VEGFC: variants seen among roughly 807,000 people sequenced by gnomAD.
VEGFC encodes the protein vascular endothelial growth factor C.
Under a neutral mutation model 46.1 loss-of-function variants are expected in VEGFC, and 12 were observed. That is an observed-to-expected ratio of 0.26 (90% CI 0.17 to 0.42). VEGFC has a LOEUF of 0.42. VEGFC is among the 10% of genes least tolerant of loss of function. The probability of loss-of-function intolerance (pLI) is 1.00; values close to 1 mark genes in which losing one functional copy is unlikely to be tolerated. For missense variants in VEGFC, 488 were observed against 529.4 expected, an observed-to-expected ratio of 0.92 and a Z score of 0.77; for synonymous variants, 232 against 195.5, an observed-to-expected ratio of 1.19 and a Z score of -1.56.
chr4:176,750,007 T>C (rs1279113258), intron 1 of VEGFC, among the ~76,000 whole-genome samples: 1 of 151,764 alleles, frequency 6.6e-6, no homozygotes, highest in Non-Finnish European at 1.5e-5. Context: ...AAATGCAGTA[T>C]TAAAAAAATA....
At chr4:176,757,396 A>G (rs986382337) in intron 1 of VEGFC, among the ~76,000 whole-genome samples, 3 of 152,106 alleles carry the variant, frequency 2.0e-5, no homozygotes, top group Non-Finnish European at 2.9e-5. Context: ...GAACAACATT[A>G]TCCACCTCTT....
intron 4 of VEGFC, among the ~76,000 whole-genome samples, chr4:176,709,451 T>C (rs1486420121): frequency 6.6e-6 from 1 of 152,198 alleles, no homozygotes; most frequent in Non-Finnish European, 1.5e-5. Context: ...AGGATGAAGT[T>C]AATCCAGTGA....
chr4:176,747,064 T>C (rs753654747), intron 1 of VEGFC, among the ~76,000 whole-genome samples: 1 of 152,152 alleles, frequency 6.6e-6, no homozygotes, highest in Non-Finnish European at 1.5e-5. Flanking sequence ...TTTTGCTTCA[T>C]GTTTCCTATT....
intron 1 of VEGFC, among the ~76,000 whole-genome samples, chr4:176,738,889 G>C (rs1332357316): frequency 6.6e-6 from 1 of 151,758 alleles, no homozygotes; most frequent in Non-Finnish European, 1.5e-5. Context: ...CAAAGAACAT[G>C]AACAGAGACT....
chr4:176,747,014 C>T (rs764031515), intron 1 of VEGFC, among the ~76,000 whole-genome samples: 9 of 152,072 alleles, frequency 5.9e-5, no homozygotes, highest in South Asian at 2.1e-4. Context: ...CTTGACTGTG[C>T]GTCTGCCGCA....
At chr4:176,786,770 G>A (rs1274855002) in intron 1 of VEGFC, among the ~76,000 whole-genome samples, 1 of 152,196 alleles carries the variant, frequency 6.6e-6, no homozygotes, top group Non-Finnish European at 1.5e-5. Flanking sequence ...AGATTAAAGA[G>A]CAAATAAACC....
At chr4:176,767,895 G>A (rs780070453) in intron 1 of VEGFC, among the ~76,000 whole-genome samples, 2 of 152,124 alleles carry the variant, frequency 1.3e-5, no homozygotes, top group African/African-American at 2.4e-5. Context: ...AGTGGAAGAC[G>A]ATGGTGGCTC....
At chr4:176,749,607 C>A (rs754679062) in intron 1 of VEGFC, among the ~76,000 whole-genome samples, 1 of 151,402 alleles carries the variant, frequency 6.6e-6, no homozygotes, top group East Asian at 1.9e-4. Flanking sequence ...GAATTTCTTA[C>A]CTTGAATGTG....
At chr4:176,700,076 C>T (rs777327830) in intron 4 of VEGFC, among the ~76,000 whole-genome samples, 1 of 152,080 alleles carries the variant, frequency 6.6e-6, no homozygotes, top group Admixed American at 6.6e-5. Context: ...AACAATTTTG[C>T]CAGTCTTAAT....
chr4:176,732,644 G>A (rs1734986808), intron 1 of VEGFC, among the ~76,000 whole-genome samples: 1 of 151,318 alleles, frequency 6.6e-6, no homozygotes, highest in South Asian at 2.1e-4. Context: ...AATAAATAAT[G>A]TAAACATTGC....
At chr4:176,691,766 G>C (rs1734183772) in intron 4 of VEGFC, among the ~76,000 whole-genome samples, 1 of 152,040 alleles carries the variant, frequency 6.6e-6, no homozygotes, top group Non-Finnish European at 1.5e-5. Flanking sequence ...TCTAAACGTT[G>C]GGTAATAATT....
intron 1 of VEGFC, among the ~76,000 whole-genome samples, chr4:176,740,156 A>G (rs1735138069): frequency 7.8e-6 from 1 of 128,556 alleles, no homozygotes; most frequent in Non-Finnish European, 1.6e-5. Flanking sequence ...TAGAAGTTAT[A>G]TATATAGAAT....
At chr4:176,689,497 T>C (rs1191463791) in intron 4 of VEGFC, 1 of 152,218 alleles carries the variant, frequency 6.6e-6, no homozygotes, top group Non-Finnish European at 1.5e-5. Context: ...CAGCATCTAC[T>C]AGACACAGAC....
chr4:176,782,467 TA>T (rs988985530), intron 1 of VEGFC, among the ~76,000 whole-genome samples: 13 of 133,328 alleles, frequency 9.8e-5, no homozygotes, highest in East Asian at 2.2e-4. Flanking sequence ...TGTCTCAAAT[TA>T]AAAAAAAAAA....
At chr4:176,693,887 T>G (rs1312326973) in intron 4 of VEGFC, among the ~76,000 whole-genome samples, 1 of 151,328 alleles carries the variant, frequency 6.6e-6, no homozygotes, top group Non-Finnish European at 1.5e-5. Flanking sequence ...AAGCTTCATA[T>G]AAGTGAAGGA....
chr4:176,707,785 C>G (rs1271162198), intron 4 of VEGFC, among the ~76,000 whole-genome samples: 4 of 152,108 alleles, frequency 2.6e-5, no homozygotes, highest in Non-Finnish European at 5.9e-5. Flanking sequence ...ATTATGGTGA[C>G]TAGATGGCTA....
At chr4:176,690,493 C>T (rs995942884) in intron 4 of VEGFC, among the ~76,000 whole-genome samples, 1 of 152,002 alleles carries the variant, frequency 6.6e-6, no homozygotes, top group Non-Finnish European at 1.5e-5. Flanking sequence ...ATTGTACCTT[C>T]CTAATAATTT....
intron 4 of VEGFC, among the ~76,000 whole-genome samples, chr4:176,691,651 A>G (rs1419313115): frequency 6.6e-6 from 1 of 152,242 alleles, no homozygotes; most frequent in Admixed American, 6.5e-5. Flanking sequence ...TTTTCAAACT[A>G]AAGAACAATG....
rs2110964341 is a variant in VEGFC at position 176,792,225 on chromosome 4, G to A, written c.87C>T (p.Ala29=). 6.4e-7 allele frequency: 1 copy of A among 1,555,616 alleles called. No individual in the cohort carries two copies. The highest frequency in any genetic ancestry group is 2.5e-5 in the East Asian group (1 of 39,544). ...LPGPREAPAA[A]AAFESGLDLS... The stretch of plus-strand genomic sequence containing the variant: ...GGTCGAGTCCGGACTCGAAGGCGGC[G>A]GCGGCGGCGGGCGCCTCGCGAGGAC... The change falls in exon 1 of 7, where the codon GCC becomes GCT. Residue 29 remains alanine (A), a synonymous_variant. Transcript: ENST00000618562. This position sits in a 1 kb window ranked among gnomAD's most constrained non-coding sequence, Gnocchi z 6.3.
Sources: gnomAD v4.1 joint callset for allele counts (sites outside exome capture counted in the v4.1 genomes callset) on GRCh38, gnomAD v4.1.1 for gene constraint, Gnocchi (gnomAD v3.1) non-coding constraint, MANE v1.5 for transcripts, NCBI Gene and HGNC (gene_info 2026-07-23, HGNC 2026-07-21) for gene names.